The following GPATCH1 variants were observed in gnomAD, a reference collection of about 807,000 sequenced individuals.
GPATCH1 encodes G-patch domain containing 1.
A neutral mutation model predicts 114.9 loss-of-function variants in GPATCH1; 73 were observed. The observed-to-expected ratio is 0.64, with a 90% confidence interval of 0.53 to 0.77. GPATCH1 has a LOEUF of 0.77. GPATCH1 is among the 30% of genes least tolerant of loss of function. The pLI is 0.00. For missense variants in GPATCH1, 1,058 were observed against 1,144.3 expected (o/e 0.92, Z 1.09); for synonymous variants, 391 against 428.4 (o/e 0.91, Z 1.08).
chr19:33,120,025 TA>T (rs1352498660), intron 17 of GPATCH1, among the ~76,000 whole-genome samples: 5 of 139,990 alleles, frequency 3.6e-5, no homozygotes. Flanking sequence ...TATATATTTA[TA>T]TATTTATATA....
At position 33,088,169 on chromosome 19, in the gene GPATCH1, C is replaced by G; in HGVS notation, c.109C>G (p.Gln37Glu). 1 of 1,539,706 alleles carries G rather than the reference C, an allele frequency of 6.5e-7. No homozygotes were observed. The highest frequency in any genetic ancestry group is 8.9e-7 in the Non-Finnish European group (1 of 1,127,510). The change falls in exon 2 of 20, where the codon CAG (glutamine) becomes GAG (glutamate). Residue 37 changes from glutamine to glutamate, a missense_variant. This residue lies in a region of GPATCH1 where 131 missense variants were observed against 107.2 expected (regional missense o/e 1.22). Transcript: ENST00000170564. ...AAAGAAACCAATCCCTCTTCAGGATCAGACTGTCAGAGATGAAAAAGGAAG... is the reference window on the plus strand; with the variant it reads ...AAAGAAACCAATCCCTCTTCAGGATGAGACTGTCAGAGATGAAAAAGGAAG... ...RPKKPIPLQD[Q>E]TVRDEKGRYK... is the part of the protein sequence containing the mutation.
At chr19:33,086,005 T>C (rs1972530910) in intron 1 of GPATCH1, among the ~76,000 whole-genome samples, 2 of 152,166 alleles carry the variant, frequency 1.3e-5, no homozygotes, top group Admixed American at 1.3e-4. Context: ...CGTAGCCCAG[T>C]GGGACAGTTG....
Position 33,109,857 on chromosome 19 carries a change from C to T in GPATCH1, c.1426C>T (p.Leu476Phe), listed in dbSNP as rs746278952. Residue 476 changes from leucine to phenylalanine, a missense_variant, in exon 11 of 20, where the codon CTC becomes TTC. Physicochemically the swap from Leu to Phe is conservative, Grantham distance 22 (BLOSUM62 0). This residue lies in a region of GPATCH1 where 893 missense variants were observed against 977.4 expected (regional missense o/e 0.91). Coordinates refer to ENST00000170564, the MANE Select transcript of GPATCH1 (RefSeq NM_018025.3). Reference sequence around the variant, plus strand: ...GAACGCTCAGAGCAGCAGAGCCCAGCTCTCCCCTGCAGCGGCTGCTGGGCA... The same window carrying T: ...GAACGCTCAGAGCAGCAGAGCCCAGTTCTCCCCTGCAGCGGCTGCTGGGCA... ...AQNAQSSRAQ[L>F]SPAAAAGHCS... is the part of the protein sequence containing the mutation. 5 of 1,614,032 alleles carry T rather than the reference C, an allele frequency of 3.1e-6. No individual in the cohort carries two copies. The African/African-American group carries it at 6.7e-5, about 22-fold the overall frequency.
intron 4 of GPATCH1, 93 bp from the exon 5 acceptor site, chr19:33,094,079 C>T (rs747932495): frequency 1.3e-6 from 1 of 746,238 alleles, no homozygotes; most frequent in South Asian, 1.5e-5. Context: ...CAAGACAGGC[C>T]TAGGAACTGA....
In GPATCH1 at chr19:33,118,096, C is replaced by T. The variant is rs371707123; in HGVS notation, c.2413+55C>T. ...AAAGGAGAAGACAATGACTCTAGGACAGCTGCTTCTCTGTTTACTCTATAA... is the reference window on the plus strand; with the variant it reads ...AAAGGAGAAGACAATGACTCTAGGATAGCTGCTTCTCTGTTTACTCTATAA... On this transcript the variant is annotated intron_variant, in intron 16 of 19. Coordinates refer to ENST00000170564, the MANE Select transcript of GPATCH1 (RefSeq NM_018025.3). 1.6e-5 allele frequency: 19 copies of T among 1,153,550 alleles called. No homozygotes were observed. In the African/African-American group the frequency reaches 1.8e-4, roughly 11 times the overall value. 71.5% of individuals were successfully genotyped at this position (1,153,550 alleles called of 1,614,324 possible). A position where few individuals can be genotyped will look rare whatever the true frequency, so the allele number is the denominator to read the frequency against.
At chr19:33,093,266 T>A in intron 3 of GPATCH1, 93 bp from the exon 4 acceptor site, 1 of 796,762 alleles carries the variant, frequency 1.3e-6, no homozygotes, top group African/African-American at 2.7e-5. Context: ...TTTTGTAGTT[T>A]TAACTTTTTT....
intron 1 of GPATCH1, among the ~76,000 whole-genome samples, chr19:33,085,365 G>A (rs534021783): frequency 6.6e-6 from 1 of 151,960 alleles, no homozygotes; most frequent in Non-Finnish European, 1.5e-5. Flanking sequence ...GACTATAGGC[G>A]CATACCACCA....
intron 3 of GPATCH1, among the ~76,000 whole-genome samples, chr19:33,091,203 A>T (rs544815572): frequency 1.2e-4 from 19 of 152,200 alleles, no homozygotes; most frequent in Middle Eastern, 3.4e-3. Flanking sequence ...CGAGGTCAGG[A>T]GATCAAGACC....
At chr19:33,126,553 AT>A (rs764611547) in intron 18 of GPATCH1, 34 bp from the exon 19 acceptor site, 2 of 1,607,802 alleles carry the variant, frequency 1.2e-6, no homozygotes, top group South Asian at 1.1e-5. Context: ...GAAAAAATAC[AT>A]TTGTTTTCCC....
chr19:33,109,858 T>C lies in GPATCH1; in HGVS notation c.1427T>C (p.Leu476Pro), dbSNP rs2287679. 0.31 allele frequency: 499,310 copies of C among 1,613,746 alleles called. 92,389 individuals carry two copies. The highest frequency in any genetic ancestry group is 0.74 in the African/African-American group (55,358 of 74,976). Reference sequence around the variant, plus strand: ...AACGCTCAGAGCAGCAGAGCCCAGCTCTCCCCTGCAGCGGCTGCTGGGCAC... The same window carrying C: ...AACGCTCAGAGCAGCAGAGCCCAGCCCTCCCCTGCAGCGGCTGCTGGGCAC... ...AQNAQSSRAQ[L>P]SPAAAAGHCS... The change falls in exon 11 of 20, where the codon CTC (leucine) becomes CCC (proline). Residue 476 changes from leucine to proline, a missense_variant. Physicochemically the swap from Leu to Pro is moderately conservative, Grantham distance 98. Transcript: ENST00000170564.
intron 1 of GPATCH1, among the ~76,000 whole-genome samples, chr19:33,083,307 C>G (rs1972500448): frequency 6.6e-6 from 1 of 150,448 alleles, no homozygotes; most frequent in African/African-American, 2.4e-5. Flanking sequence ...GTCTTGAACT[C>G]CTGGCCTCAA....
chr19:33,088,328 C>T (rs1972556692), intron 2 of GPATCH1, 60 bp downstream of exon 2: 2 of 1,206,302 alleles, frequency 1.7e-6, no homozygotes. Context: ...AATATTGATT[C>T]TCCCTCACCC....
intron 1 of GPATCH1, among the ~76,000 whole-genome samples, chr19:33,087,841 G>A (rs1327929856): frequency 6.6e-6 from 1 of 151,656 alleles, no homozygotes; most frequent in African/African-American, 2.4e-5. Context: ...CTGCCACCAC[G>A]CCCGGTTAAT....
chr19:33,094,300 C>G lies in GPATCH1; in HGVS notation c.553+31C>G, dbSNP rs550146998. The G allele has an allele frequency of 5.3e-6, 6 of 1,126,530 alleles. No individual in the cohort carries two copies. In the African/African-American group the frequency reaches 9.7e-5, roughly 18 times the overall value. The allele number at this position is 1,126,530 out of a possible 1,614,324, so 69.8% of individuals were successfully genotyped here. ...TATGTTAATTGATTAACTGTTATCA[C>G]TGCTGCAGCGTACTTTTTTTTTTTT... On this transcript the variant is annotated intron_variant, in intron 5 of 19. Transcript: ENST00000170564.
Position 33,126,615 on chromosome 19 carries a change from A to G in GPATCH1, c.2647A>G (p.Lys883Glu), listed in dbSNP as rs1178035494. Residue 883 changes from lysine to glutamate, a missense_variant, in exon 19 of 20, where the codon AAA becomes GAA. This residue lies in a region of GPATCH1 where 893 missense variants were observed against 977.4 expected (regional missense o/e 0.91). Transcript: ENST00000170564. ...AAAGAAACACAGGAAGCACAAACAC[A>G]AAGGCAAGCAAAAGAATAAAAAACC... The part of the protein sequence containing the change: ...KKKKHRKHKH[K>E]GKQKNKKPEK... 3 of 1,613,576 alleles carry G rather than the reference A, an allele frequency of 1.9e-6. No individual in the cohort carries two copies. The South Asian group carries it at 3.3e-5, about 18-fold the overall frequency.
At chr19:33,093,216 T>A in intron 3 of GPATCH1, 143 bp from the exon 4 acceptor site, 3 of 526,924 alleles carry the variant, frequency 5.7e-6, no homozygotes, top group Non-Finnish European at 3.3e-6. Flanking sequence ...AAAAATAAAG[T>A]CAGTGTGTAT....
chr19:33,095,561 C>A (rs76702323), intron 5 of GPATCH1, among the ~76,000 whole-genome samples: 6 of 151,688 alleles, frequency 4.0e-5, no homozygotes, highest in Non-Finnish European at 7.4e-5. Flanking sequence ...CTGCGCCCAG[C>A]CTTTTTTTTT....
In GPATCH1 at chr19:33,111,855, A is replaced by G. The variant is rs776610069; in HGVS notation, c.1717A>G (p.Lys573Glu). 1 of 1,614,056 alleles carries G rather than the reference A, an allele frequency of 6.2e-7. No homozygotes were observed. Among genetic ancestry groups the G allele is most frequent in the Admixed American group, 1.7e-5 (1 of 60,016 alleles). Residue 573 changes from lysine (K) to glutamate (E), a missense_variant, in exon 12 of 20, where the codon AAG (lysine) becomes GAG (glutamate). By Grantham distance (56) the Lys-to-Glu change is moderately conservative (BLOSUM62 1). Around this residue, in one of 3 missense-constraint regions of GPATCH1, gnomAD observed 893 missense variants for 977.4 expected, o/e 0.91. Transcript: ENST00000170564. ...STLSSRFTHAKEEDDSDQVEV... is the reference protein window; with the variant it reads ...STLSSRFTHAEEEDDSDQVEV... ...CTTGTCCTCCAGGTTCACTCACGCC[A>G]AGGAGGAGGATGACTCAGATCAGGT...
intron 7 of GPATCH1, among the ~76,000 whole-genome samples, chr19:33,097,318 C>T (rs559708015): frequency 2.1e-4 from 32 of 152,306 alleles, no homozygotes; most frequent in Admixed American, 1.1e-3. Context: ...GGCTCCTTTC[C>T]GCAGAGAGTA....
Sources: allele counts gnomAD v4.1 joint callset (sites outside exome capture counted in the v4.1 genomes callset), GRCh38; gene constraint gnomAD v4.1.1; regional missense constraint gnomAD v4.1.1; transcripts MANE v1.5; gene names NCBI Gene and HGNC (gene_info 2026-07-23, HGNC 2026-07-21).